PCLO: variants seen among roughly 807,000 people sequenced by gnomAD.
PCLO encodes the protein protein piccolo.
PCLO carries 82 observed loss-of-function variants against 427.5 expected under a neutral mutation model. The ratio of observed to expected loss-of-function variants is 0.19; its 90% CI spans 0.16 to 0.23. The LOEUF (loss-of-function observed/expected upper bound fraction) is 0.23, where lower values mean the gene tolerates loss of function less well. PCLO is among the 10% of genes least tolerant of loss of function. The pLI is 1.00. For missense variants in PCLO, 6,239 were observed against 6,115.9 expected, an observed-to-expected ratio of 1.02 and a Z score of -0.67; for synonymous variants, 2,357 against 2,155.4, an observed-to-expected ratio of 1.09 and a Z score of -2.59.
At chr7:83,031,878 G>C (rs561261798) in intron 3 of PCLO, among the ~76,000 whole-genome samples, 21 of 152,060 alleles carry the variant, frequency 1.4e-4, no homozygotes, top group African/African-American at 4.8e-4. Context: ...ACACAATTTA[G>C]TCTTTTTAAT....
At chr7:83,098,917 T>C (rs1386792973) in intron 3 of PCLO, among the ~76,000 whole-genome samples, 4 of 151,652 alleles carry the variant, frequency 2.6e-5, no homozygotes, top group African/African-American at 9.7e-5. Flanking sequence ...TCAAATCAGG[T>C]CTGAAGAATA....
At chr7:83,141,831 T>TA (rs1791869553) in intron 2 of PCLO, among the ~76,000 whole-genome samples, 1 of 152,190 alleles carries the variant, frequency 6.6e-6, no homozygotes, top group Non-Finnish European at 1.5e-5. Flanking sequence ...CTTTTCAAAA[T>TA]AAAGTATCAA....
At chr7:82,822,433 G>A in intron 20 of PCLO, 62 bp downstream of exon 20, 1 of 1,611,826 alleles carries the variant, frequency 6.2e-7, no homozygotes, top group Non-Finnish European at 8.5e-7. Context: ...AGGACAGCAG[G>A]AAAGAAAGGC....
At chr7:83,035,431 T>C (rs868412316) in intron 3 of PCLO, among the ~76,000 whole-genome samples, 1 of 152,176 alleles carries the variant, frequency 6.6e-6, no homozygotes, top group African/African-American at 2.4e-5. Flanking sequence ...AAATAATCCT[T>C]GTCTCTACTA....
intron 10 of PCLO, among the ~76,000 whole-genome samples, chr7:82,876,754 T>C (rs929019615): frequency 2.0e-5 from 3 of 152,076 alleles, no homozygotes; most frequent in African/African-American, 7.2e-5. Flanking sequence ...GACAGTATCG[T>C]GAATCTAATA....
chr7:83,024,687 T>C (rs1485358369), intron 3 of PCLO, among the ~76,000 whole-genome samples: 1 of 152,204 alleles, frequency 6.6e-6, no homozygotes, highest in Non-Finnish European at 1.5e-5. Context: ...CAGTAACCTC[T>C]GCAGACTTAA....
intron 4 of PCLO, among the ~76,000 whole-genome samples, chr7:82,963,256 A>G (rs545456673): frequency 1.3e-5 from 2 of 152,068 alleles, no homozygotes; most frequent in Non-Finnish European, 2.9e-5. Context: ...ACAAACTTTA[A>G]AACAGAATAT....
At position 82,954,348 on chromosome 7, in the gene PCLO, G is replaced by T; in HGVS notation, c.6605C>A (p.Thr2202Asn). 1 of 1,613,848 alleles carries T rather than the reference G, an allele frequency of 6.2e-7. No homozygotes were observed. The change falls in exon 5 of 25, where the codon ACC becomes AAC. Residue 2202 changes from threonine to asparagine, a missense_variant. Thr to Asn is a moderately conservative substitution (Grantham distance 65, BLOSUM62 0). Around this residue, in one of 5 missense-constraint regions of PCLO, gnomAD observed 4,677 missense variants for 4,468.4 expected, o/e 1.05. Transcript: ENST00000333891. Reference sequence around the variant, plus strand: ...ATAAACTGTGGTTATGCTATCCAGGGTAGTAATGGGTGAAGAGCTATCTGT... The same window carrying T: ...ATAAACTGTGGTTATGCTATCCAGGTTAGTAATGGGTGAAGAGCTATCTGT... Reference protein sequence around the residue: ...CTTDSSSPITTLDSITTVYTE... With the variant: ...CTTDSSSPITNLDSITTVYTE...
chr7:83,094,012 C>A (rs978135914), intron 3 of PCLO, among the ~76,000 whole-genome samples: 8 of 151,780 alleles, frequency 5.3e-5, no homozygotes, highest in Non-Finnish European at 8.8e-5. Flanking sequence ...AGAACATTTT[C>A]ATCACCACAA....
chr7:83,156,991 G>A (rs1489049420), intron 1 of PCLO, among the ~76,000 whole-genome samples: 1 of 152,100 alleles, frequency 6.6e-6, no homozygotes, highest in East Asian at 1.9e-4. Context: ...TCTGATAATG[G>A]AGTTTACATG....
At chr7:83,095,449 A>AT (rs990489874) in intron 3 of PCLO, among the ~76,000 whole-genome samples, 4 of 149,582 alleles carry the variant, frequency 2.7e-5, no homozygotes, top group African/African-American at 4.9e-5. Context: ...GCTCTTTATT[A>AT]TTTTTTTCCT....
intron 10 of PCLO, among the ~76,000 whole-genome samples, chr7:82,852,326 T>G (rs910679045): frequency 2.0e-5 from 3 of 152,062 alleles, no homozygotes; most frequent in African/African-American, 7.2e-5. Context: ...AGATTAACAT[T>G]TTAGTCAATG....
chr7:82,896,819 A>T (rs571873835), intron 9 of PCLO, among the ~76,000 whole-genome samples: 1 of 151,838 alleles, frequency 6.6e-6, no homozygotes, highest in East Asian at 1.9e-4. Context: ...ATTTCCTAAG[A>T]AGACAATGCT....
At chr7:83,081,027 C>T (rs538241450) in intron 3 of PCLO, among the ~76,000 whole-genome samples, 6 of 151,920 alleles carry the variant, frequency 3.9e-5, no homozygotes, top group African/African-American at 1.4e-4. Context: ...TTTTGAACCA[C>T]GGTTTATGGG....
chr7:82,877,826 C>T (rs937849386), intron 10 of PCLO, among the ~76,000 whole-genome samples: 14 of 152,110 alleles, frequency 9.2e-5, no homozygotes, highest in African/African-American at 2.9e-4. Context: ...CCACCACATC[C>T]GGGTAATTTT....
rs1285535477 is a variant in PCLO at position 82,909,082 on chromosome 7, T to C, written c.13301-69A>G. On this transcript the variant is annotated intron_variant, in intron 7 of 24. Coordinates refer to ENST00000333891, the MANE Select transcript of PCLO (RefSeq NM_033026.6). ...TACAGATGATTGAGGGAAGCAGATG[T>C]TCTGTAGTACTAGCATGCACTAGGC... 5 of 1,505,570 alleles carry C rather than the reference T, an allele frequency of 3.3e-6. No individual in the cohort carries two copies. In the African/African-American group the frequency reaches 6.9e-5, roughly 21 times the overall value. The allele number at this position is 1,505,570 out of a possible 1,614,324, so 93.3% of individuals were successfully genotyped here. A position where few individuals can be genotyped will look rare whatever the true frequency, so the allele number is the denominator to read the frequency against.
At chr7:82,889,340 A>G (rs1793704330) in intron 9 of PCLO, among the ~76,000 whole-genome samples, 1 of 152,166 alleles carries the variant, frequency 6.6e-6, no homozygotes, top group South Asian at 2.1e-4. Flanking sequence ...CAGGATGCTT[A>G]GGAGACAATT....
At chr7:83,083,220 A>G (rs1024293297) in intron 3 of PCLO, among the ~76,000 whole-genome samples, 1 of 152,014 alleles carries the variant, frequency 6.6e-6, no homozygotes, top group African/African-American at 2.4e-5. Flanking sequence ...TAATGTTACA[A>G]TGGCTAAGTA....
chr7:83,058,473 A>C (rs1020205032), intron 3 of PCLO, among the ~76,000 whole-genome samples: 1 of 152,220 alleles, frequency 6.6e-6, no homozygotes, highest in African/African-American at 2.4e-5. Flanking sequence ...TCAATATAAC[A>C]TTAAACTATA....
Sources: allele counts gnomAD v4.1 joint callset (sites outside exome capture counted in the v4.1 genomes callset), GRCh38; gene constraint gnomAD v4.1.1; regional missense constraint gnomAD v4.1.1; transcripts MANE v1.5; gene names NCBI Gene and HGNC (gene_info 2026-07-23, HGNC 2026-07-21).